TENM4: variants seen among roughly 807,000 people sequenced by gnomAD.
TENM4 encodes teneurin transmembrane protein 4, also known as teneurin-4.
Under a neutral mutation model 243.3 loss-of-function variants are expected in TENM4, and 82 were observed. The ratio of observed to expected loss-of-function variants is 0.34; its 90% CI spans 0.28 to 0.40. TENM4 has a LOEUF of 0.40. TENM4 is among the 10% of genes least tolerant of loss of function. The pLI, the probability that TENM4 is intolerant of heterozygous loss-of-function variation, is 1.00. For missense variants in TENM4, 3,138 were observed against 3,673.3 expected (o/e 0.85, Z 3.77); for synonymous variants, 1,412 against 1,456.3 (o/e 0.97, Z 0.69).
intron 1 of TENM4, among the ~76,000 whole-genome samples, chr11:79,306,122 A>C (rs1223680902): frequency 2.0e-5 from 3 of 152,206 alleles, no homozygotes; most frequent in African/African-American, 7.2e-5. Context: ...AGTCCAATTA[A>C]TTCAATTCCA....
rs1591259105 is a variant in TENM4, at chr11:79,069,716, C to T, written c.223+6G>A. 6.5e-7 allele frequency: 1 copy of T among 1,549,712 alleles called. No individual in the cohort carries two copies. Among genetic ancestry groups the T allele is most frequent in the Non-Finnish European group, 8.7e-7 (1 of 1,146,738 alleles). ...CTGAGGCCCGCCCCCTCGGCCTTGTCCTTACCTGTGCGGCAGAATTCCTCG... is the reference window on the plus strand; with the variant it reads ...CTGAGGCCCGCCCCCTCGGCCTTGTTCTTACCTGTGCGGCAGAATTCCTCG... On this transcript the variant is annotated splice_donor_region_variant and intron_variant, in intron 5 of 33. Coordinates refer to ENST00000278550, the MANE Select transcript of TENM4 (RefSeq NM_001098816.3).
intron 1 of TENM4, among the ~76,000 whole-genome samples, chr11:79,417,525 G>A (rs1858844222): frequency 6.6e-6 from 1 of 152,176 alleles, no homozygotes; most frequent in Non-Finnish European, 1.5e-5. Context: ...CTGAGTAGAA[G>A]AAGTTTCAAC....
chr11:78,942,861 G>A (rs1344407935), intron 6 of TENM4, among the ~76,000 whole-genome samples: 4 of 150,202 alleles, frequency 2.7e-5, no homozygotes, highest in African/African-American at 9.8e-5. Flanking sequence ...TTGCCCAAAT[G>A]CTCTGCGGTC....
chr11:79,061,627 C>T (rs1860089510), intron 6 of TENM4, among the ~76,000 whole-genome samples: 2 of 152,184 alleles, frequency 1.3e-5, no homozygotes, highest in South Asian at 4.1e-4. Context: ...CGCAAGTGTG[C>T]ACCTCTTTCT....
chr11:79,149,651 T>A (rs1226242006), intron 3 of TENM4, among the ~76,000 whole-genome samples: 2 of 152,140 alleles, frequency 1.3e-5, no homozygotes, highest in African/African-American at 4.8e-5. Context: ...ATTTACTGGA[T>A]TGTATTTTAC....
At chr11:79,132,501 A>G (rs1591305291) in intron 4 of TENM4, among the ~76,000 whole-genome samples, 2 of 152,178 alleles carry the variant, frequency 1.3e-5, no homozygotes, top group Non-Finnish European at 2.9e-5. Flanking sequence ...TGGACTTAAT[A>G]GTTATATACA....
At chr11:79,360,439 C>CAA (rs1857570745) in intron 1 of TENM4, among the ~76,000 whole-genome samples, 1 of 152,184 alleles carries the variant, frequency 6.6e-6, no homozygotes, top group Non-Finnish European at 1.5e-5. Flanking sequence ...GGAACCTCTC[C>CAA]CTCCTCAGTT....
intron 1 of TENM4, among the ~76,000 whole-genome samples, chr11:79,420,524 CATATT>C (rs998629826): frequency 2.4e-4 from 36 of 152,164 alleles, no homozygotes; most frequent in South Asian, 2.1e-4. Flanking sequence ...AAAGAAAACT[CATATT>C]AGAAGTTTGG....
rs527914253 is a variant in TENM4 at position 78,735,636 on chromosome 11, T to C, written c.2876+2815A>G. ...CCCCAAAGGGAAGGCCTGGTTATCA[T>C]ATGAAGCCCAAACAGCGCAGGGCCA... On this transcript the variant is annotated intron_variant, in intron 20 of 33. Coordinates refer to ENST00000278550, the MANE Select transcript of TENM4 (RefSeq NM_001098816.3). 2.0e-4 allele frequency among the ~76,000 whole-genome samples: 31 copies of C among 152,340 alleles called. 1 individual carries two copies. In the South Asian group the frequency reaches 5.6e-3, roughly 27 times the overall value.
intron 1 of TENM4, among the ~76,000 whole-genome samples, chr11:79,393,963 A>G (rs532418732): frequency 2.6e-4 from 39 of 152,058 alleles, no homozygotes; most frequent in African/African-American, 8.9e-4. Flanking sequence ...GAGGGAGGGG[A>G]GCAGACGAGA....
intron 6 of TENM4, among the ~76,000 whole-genome samples, chr11:78,961,963 C>T (rs1368149607): frequency 6.6e-6 from 1 of 152,138 alleles, no homozygotes; most frequent in Non-Finnish European, 1.5e-5. Context: ...CACACTCCAG[C>T]GGCGCCGCGG....
chr11:79,223,667 G>T (rs1215543736), intron 2 of TENM4, among the ~76,000 whole-genome samples: 1 of 152,106 alleles, frequency 6.6e-6, no homozygotes, highest in South Asian at 2.1e-4. Flanking sequence ...CCCAGACCTT[G>T]TATGCTCCAG....
At position 79,385,363 on chromosome 11, in the gene TENM4, A is replaced by G. The variant is rs150831893; in HGVS notation, c.-321+55146T>C. Among the ~76,000 whole-genome samples, 3 of 152,326 alleles carry G rather than the reference A, an allele frequency of 2.0e-5. No individual in the cohort carries two copies. In the East Asian group the frequency reaches 5.8e-4, roughly 29 times the overall value. ...GGTAATTTCCACCAGATGGTCAATA[A>G]TGTTCATTCAGATCACATATTTTAG... On this transcript the variant is annotated intron_variant, in intron 1 of 33. Coordinates refer to ENST00000278550, the MANE Select transcript of TENM4 (RefSeq NM_001098816.3).
chr11:79,036,609 C>G lies in TENM4; in HGVS notation c.493+28129G>C, dbSNP rs193172338. Among the ~76,000 whole-genome samples the G allele has an allele frequency of 2.4e-3, 371 of 152,320 alleles. 1 individual carries two copies. Among genetic ancestry groups the G allele is most frequent in the African/African-American group, 8.6e-3 (357 of 41,570 alleles). On this transcript the variant is annotated intron_variant, in intron 6 of 33. Coordinates refer to ENST00000278550, the MANE Select transcript of TENM4 (RefSeq NM_001098816.3). ...GTGGGGAAAAAAGCCCAAAGAAGCACAGCAAGATGCAGACACCCAAGTTTA... is the reference window on the plus strand; with the variant it reads ...GTGGGGAAAAAAGCCCAAAGAAGCAGAGCAAGATGCAGACACCCAAGTTTA...
intron 15 of TENM4, among the ~76,000 whole-genome samples, chr11:78,790,461 A>C (rs1857030134): frequency 6.6e-6 from 1 of 152,198 alleles, no homozygotes; most frequent in Non-Finnish European, 1.5e-5. Flanking sequence ...TTTTTATTTA[A>C]CTAATGCTCA....
At chr11:79,078,011 A>C (rs1046491507) in intron 4 of TENM4, among the ~76,000 whole-genome samples, 2 of 152,040 alleles carry the variant, frequency 1.3e-5, no homozygotes, top group African/African-American at 2.4e-5. Context: ...CAAGAAACAA[A>C]CCTGGCCCCT....
chr11:78,817,207 T>TA (rs1857625378), intron 12 of TENM4, among the ~76,000 whole-genome samples: 2 of 152,166 alleles, frequency 1.3e-5, no homozygotes, highest in East Asian at 3.9e-4. Context: ...GGCTTGGTGA[T>TA]ATATAGGTGG....
intron 2 of TENM4, among the ~76,000 whole-genome samples, chr11:79,244,028 C>T (rs192349646): frequency 2.8e-4 from 42 of 152,276 alleles, no homozygotes; most frequent in African/African-American, 8.9e-4. Context: ...GTCCCAGGAC[C>T]GCCCTTTGAG....
At chr11:78,836,753 T>A (rs1050512015) in intron 12 of TENM4, among the ~76,000 whole-genome samples, 2 of 152,304 alleles carry the variant, frequency 1.3e-5, no homozygotes, top group South Asian at 4.1e-4. Context: ...TCTGGGGTCT[T>A]TTTTTTCCTC....
Sources: gnomAD v4.1 joint callset for allele counts (sites outside exome capture counted in the v4.1 genomes callset) on GRCh38, gnomAD v4.1.1 for gene constraint, MANE v1.5 for transcripts, NCBI Gene and HGNC (gene_info 2026-07-23, HGNC 2026-07-21) for gene names.